The following GRM3 variants were observed in gnomAD, a reference collection of about 807,000 sequenced individuals.
The protein encoded by GRM3 is glutamate metabotropic receptor 3.
GRM3 carries 26 observed loss-of-function variants against 70.5 expected under a neutral mutation model. The observed-to-expected ratio is 0.37, with a 90% CI of 0.27 to 0.51. The LOEUF is 0.51. Ranked by LOEUF, GRM3 falls within the 20% of genes least tolerant of loss-of-function variation. GRM3 has a pLI of 0.93. For missense variants in GRM3, 859 were observed against 1,123.8 expected (o/e 0.76, Z 3.37); for synonymous variants, 443 against 434.9 (o/e 1.02, Z -0.23).
intron 5 of GRM3, among the ~76,000 whole-genome samples, chr7:86,858,792 A>C (rs926288904): frequency 6.6e-6 from 1 of 152,186 alleles, no homozygotes; most frequent in Non-Finnish European, 1.5e-5. Flanking sequence ...TGAATGAAGA[A>C]GTCACTGCTT....
intron 1 of GRM3, among the ~76,000 whole-genome samples, chr7:86,693,233 G>A (rs1794734427): frequency 1.3e-5 from 2 of 152,186 alleles, no homozygotes; most frequent in Admixed American, 1.3e-4. Flanking sequence ...GAGGCAAGTA[G>A]TATAAGACTT....
intron 4 of GRM3, among the ~76,000 whole-genome samples, chr7:86,846,351 G>A (rs2282966): frequency 0.31 from 47,814 of 151,972 alleles, 8,338 homozygotes; most frequent in African/African-American, 0.47. Flanking sequence ...CTTAACAAGC[G>A]TATGTGTCTT....
At chr7:86,855,959 A>G (rs1798837955) in intron 5 of GRM3, among the ~76,000 whole-genome samples, 3 of 152,232 alleles carry the variant, frequency 2.0e-5, no homozygotes, top group Admixed American at 2.0e-4. Flanking sequence ...CAGGAAAATT[A>G]GCAAGGTATT....
chr7:86,731,867 T>C (rs12704283), intron 1 of GRM3, among the ~76,000 whole-genome samples: 4 of 152,126 alleles, frequency 2.6e-5, no homozygotes, highest in Admixed American at 2.6e-4. Context: ...AATTTTTTTT[T>C]ATCTTAAATG....
At chr7:86,761,451 C>T (rs1796478779) in intron 1 of GRM3, among the ~76,000 whole-genome samples, 1 of 151,998 alleles carries the variant, frequency 6.6e-6, no homozygotes, top group African/African-American at 2.4e-5. Context: ...GTGACCCTAC[C>T]ATCAAAGAGT....
chr7:86,690,637 T>C (rs1794675188), intron 1 of GRM3, among the ~76,000 whole-genome samples: 1 of 152,118 alleles, frequency 6.6e-6, no homozygotes, highest in Non-Finnish European at 1.5e-5. Flanking sequence ...CCCATAAGTC[T>C]ATCTGGGTAG....
chr7:86,766,317 A>G (rs533401113), intron 2 of GRM3, among the ~76,000 whole-genome samples: 22 of 152,262 alleles, frequency 1.4e-4, no homozygotes, highest in Middle Eastern at 3.4e-3. Flanking sequence ...GATAAAATAC[A>G]AATAAAATTT....
At chr7:86,815,711 C>T (rs919419652) in intron 3 of GRM3, among the ~76,000 whole-genome samples, 4 of 151,872 alleles carry the variant, frequency 2.6e-5, no homozygotes, top group African/African-American at 7.2e-5. Context: ...TGAAAAGAAG[C>T]ACTATGAATA....
At chr7:86,817,964 A>T (rs2299223) in intron 3 of GRM3, among the ~76,000 whole-genome samples, 5,817 of 152,126 alleles carry the variant, frequency 0.038, 140 homozygotes, top group East Asian at 0.067. Context: ...GCACACACAC[A>T]TGCACACATA....
At chr7:86,836,049 A>C (rs976647978) in intron 3 of GRM3, among the ~76,000 whole-genome samples, 3 of 152,248 alleles carry the variant, frequency 2.0e-5, no homozygotes, top group African/African-American at 7.2e-5. Context: ...AAGTCAAAGA[A>C]ATAAATACAG....
chr7:86,704,314 T>G (rs1041009113), intron 1 of GRM3, among the ~76,000 whole-genome samples: 4 of 151,982 alleles, frequency 2.6e-5, no homozygotes, highest in Non-Finnish European at 5.9e-5. Flanking sequence ...TAGATAGTTA[T>G]GATTTATTCA....
chr7:86,682,871 T>C (rs1434617949), intron 1 of GRM3, among the ~76,000 whole-genome samples: 1 of 152,116 alleles, frequency 6.6e-6, no homozygotes, highest in African/African-American at 2.4e-5. Flanking sequence ...CACAATTCAA[T>C]ATGGACAGGA....
intron 1 of GRM3, among the ~76,000 whole-genome samples, chr7:86,719,517 T>A (rs974395596): frequency 6.6e-6 from 1 of 152,044 alleles, no homozygotes; most frequent in Non-Finnish European, 1.5e-5. Context: ...TTATACAAAA[T>A]GTAATAGAAC....
rs79919685 is a variant in GRM3, at chr7:86,757,982, T to C, written c.-140-7024T>C. Among the ~76,000 whole-genome samples, 1,355 of 152,270 alleles carry C rather than the reference T, an allele frequency of 8.9e-3. 16 individuals carry two copies. Among genetic ancestry groups the C allele is most frequent in the African/African-American group, 0.031 (1,291 of 41,558 alleles). On this transcript the variant is annotated intron_variant, in intron 1 of 5. Transcript: ENST00000361669. ...AGACATGTGTGACATATGTTCTGTT[T>C]TGTAGACTTGTTGGAGCAATAATGG...
intron 3 of GRM3, among the ~76,000 whole-genome samples, chr7:86,803,088 T>TA (rs146630856): frequency 0.054 from 8,188 of 152,234 alleles, 703 homozygotes; most frequent in African/African-American, 0.18. Context: ...CAACCATGAT[T>TA]TCTCAATTGT....
At chr7:86,845,020 T>C (rs1053160180) in intron 4 of GRM3, among the ~76,000 whole-genome samples, 1 of 152,022 alleles carries the variant, frequency 6.6e-6, no homozygotes, top group African/African-American at 2.4e-5. Flanking sequence ...CTCCCAAATA[T>C]CTGGGATTAC....
chr7:86,677,462 C>A (rs77396500), intron 1 of GRM3, among the ~76,000 whole-genome samples: 2,041 of 152,108 alleles, frequency 0.013, 38 homozygotes, highest in African/African-American at 0.047. Flanking sequence ...GACCTGTTGG[C>A]TTTCTGCTGA....
intron 1 of GRM3, among the ~76,000 whole-genome samples, chr7:86,658,771 T>C (rs906431836): frequency 6.6e-6 from 1 of 152,072 alleles, no homozygotes; most frequent in African/African-American, 2.4e-5. Flanking sequence ...TGTTTTATAT[T>C]CCTTTTAGCC....
intron 3 of GRM3, among the ~76,000 whole-genome samples, chr7:86,793,960 A>T (rs577941290): frequency 2.6e-5 from 4 of 152,288 alleles, no homozygotes; most frequent in Admixed American, 1.3e-4. Flanking sequence ...AGAAAAAATT[A>T]CAGTAAAAAT....
Sources: gnomAD v4.1 joint callset for allele counts (sites outside exome capture counted in the v4.1 genomes callset) on GRCh38, gnomAD v4.1.1 for gene constraint, MANE v1.5 for transcripts, NCBI Gene and HGNC (gene_info 2026-07-23, HGNC 2026-07-21) for gene names.